The following DACH1 variants were observed in gnomAD, a reference collection of about 807,000 sequenced individuals.
DACH1 encodes the protein dachshund family transcription factor 1.
Under a neutral mutation model 54.2 loss-of-function variants are expected in DACH1, and 12 were observed. That is an observed-to-expected ratio of 0.22 (90% CI 0.14 to 0.36). The LOEUF (loss-of-function observed/expected upper bound fraction) is 0.36. Ranked by LOEUF, DACH1 falls within the 10% of genes least tolerant of loss-of-function variation. The pLI is 1.00. For synonymous variants in DACH1, 386 were observed against 366.2 expected, an observed-to-expected ratio of 1.05 and a Z score of -0.62; for missense variants, 805 against 929.8, an observed-to-expected ratio of 0.87 and a Z score of 1.75.
chr13:71,865,898 C>G (rs1566551541), intron 1 of DACH1, 24 bp downstream of exon 1: 42 of 1,559,730 alleles, frequency 2.7e-5, no homozygotes, highest in Non-Finnish European at 3.5e-5. Flanking sequence ...GCGCGGGCGG[C>G]GGGGGCTATC....
chr13:71,483,768 T>TA lies in DACH1; in HGVS notation c.1723-4453_1723-4452insT, dbSNP rs529247328. Among the ~76,000 whole-genome samples, 672 of 152,208 alleles carry TA rather than the reference T, an allele frequency of 4.4e-3. 3 individuals are homozygous for TA. Among genetic ancestry groups the TA allele is most frequent in the Non-Finnish European group, 7.5e-3 (510 of 67,998 alleles). The stretch of plus-strand genomic sequence containing the variant: ...GGTCCCATAAGATTATAATATCATA[T>TA]TTTTACTGTACCTTTTCTATGTTTA... On this transcript the variant is annotated intron_variant, in intron 7 of 10. Coordinates refer to ENST00000613252, the MANE Select transcript of DACH1 (RefSeq NM_080759.6).
At chr13:71,831,443 C>T (rs903863540) in intron 1 of DACH1, among the ~76,000 whole-genome samples, 4 of 151,792 alleles carry the variant, frequency 2.6e-5, no homozygotes, top group Admixed American at 6.6e-5. Flanking sequence ...TGATCTCATA[C>T]ACATTTTTAT....
chr13:71,496,686 C>T (rs1879471377), intron 6 of DACH1, among the ~76,000 whole-genome samples: 1 of 152,026 alleles, frequency 6.6e-6, no homozygotes, highest in Non-Finnish European at 1.5e-5. Context: ...AATAAAATTA[C>T]ACTTGTACCA....
chr13:71,841,398 G>T (rs939691753), intron 1 of DACH1, among the ~76,000 whole-genome samples: 19 of 151,926 alleles, frequency 1.3e-4, no homozygotes. Context: ...TTGATTAATG[G>T]ATACTACCTA....
chr13:71,663,622 T>C (rs562840759), intron 2 of DACH1, among the ~76,000 whole-genome samples: 81 of 152,006 alleles, frequency 5.3e-4, no homozygotes, highest in Non-Finnish European at 1.0e-3. Flanking sequence ...CCACCAATAT[T>C]TAGTGGTTAA....
At chr13:71,792,020 A>T (rs745859925) in intron 1 of DACH1, among the ~76,000 whole-genome samples, 1 of 152,086 alleles carries the variant, frequency 6.6e-6, no homozygotes, top group Non-Finnish European at 1.5e-5. Context: ...GTACATGATG[A>T]TGTATGTCTT....
At chr13:71,758,272 A>G (rs1433330614) in intron 1 of DACH1, among the ~76,000 whole-genome samples, 1 of 152,204 alleles carries the variant, frequency 6.6e-6, no homozygotes, top group Admixed American at 6.5e-5. Context: ...ACAGATTGAC[A>G]GAGCAGAAAT....
rs146736267 is a variant in DACH1 at position 71,681,344 on chromosome 13, G to A, written c.964+451C>T. Reference sequence around the variant, plus strand: ...AACGTATTAGTTTGTGAAAAATTACGAGACATTTCTATTCAATACAGTTAC... The same window carrying A: ...AACGTATTAGTTTGTGAAAAATTACAAGACATTTCTATTCAATACAGTTAC... On this transcript the variant is annotated intron_variant, in intron 2 of 10. Transcript: ENST00000613252. 9.1e-3 allele frequency among the ~76,000 whole-genome samples: 1,383 copies of A among 152,162 alleles called. 9 individuals are homozygous for A. The highest frequency in any genetic ancestry group is 0.048 in the Middle Eastern group (14 of 294).
At chr13:71,649,008 T>C (rs1878492134) in intron 2 of DACH1, among the ~76,000 whole-genome samples, 1 of 152,200 alleles carries the variant, frequency 6.6e-6, no homozygotes, top group Admixed American at 6.5e-5. Flanking sequence ...ATATGTTCCT[T>C]GCCAGAAATT....
intron 6 of DACH1, among the ~76,000 whole-genome samples, chr13:71,543,728 T>G (rs994342755): frequency 1.3e-5 from 2 of 152,128 alleles, no homozygotes; most frequent in African/African-American, 4.8e-5. Context: ...GTAGCACCAT[T>G]CATCTCCAAA....
intron 1 of DACH1, among the ~76,000 whole-genome samples, chr13:71,698,812 A>G (rs1410437071): frequency 6.6e-6 from 1 of 152,120 alleles, no homozygotes; most frequent in East Asian, 1.9e-4. Flanking sequence ...TAGTTTTTAA[A>G]ATTCTTTAAA....
intron 1 of DACH1, among the ~76,000 whole-genome samples, chr13:71,814,626 T>C (rs1454688000): frequency 6.6e-6 from 1 of 152,216 alleles, no homozygotes; most frequent in Non-Finnish European, 1.5e-5. Context: ...TGATGAAGTA[T>C]CCAGTTATCT....
intron 1 of DACH1, among the ~76,000 whole-genome samples, chr13:71,719,991 G>A (rs1021849839): frequency 6.6e-6 from 1 of 152,058 alleles, no homozygotes; most frequent in Non-Finnish European, 1.5e-5. Context: ...TACGTACTGG[G>A]GAAGAATCTA....
chr13:71,528,431 T>TC (rs886469677), intron 6 of DACH1, among the ~76,000 whole-genome samples: 1 of 144,090 alleles, frequency 6.9e-6, no homozygotes, highest in Non-Finnish European at 1.5e-5. Flanking sequence ...TTTTCTTTTT[T>TC]TTTTTTTTTT....
intron 6 of DACH1, among the ~76,000 whole-genome samples, chr13:71,504,217 C>A (rs1880138366): frequency 6.6e-6 from 1 of 152,042 alleles, no homozygotes; most frequent in South Asian, 2.1e-4. Context: ...AAAAAGTCAA[C>A]AATTAACACG....
intron 1 of DACH1, among the ~76,000 whole-genome samples, chr13:71,750,053 A>G (rs1249884405): frequency 6.6e-6 from 1 of 152,220 alleles, no homozygotes; most frequent in Non-Finnish European, 1.5e-5. Context: ...GGGAATAAAT[A>G]TCATACAGAG....
At chr13:71,592,022 A>T (rs533387667) in intron 3 of DACH1, among the ~76,000 whole-genome samples, 1 of 152,192 alleles carries the variant, frequency 6.6e-6, no homozygotes, top group Non-Finnish European at 1.5e-5. Flanking sequence ...GTGAGGTAGC[A>T]GACAAACTAC....
chr13:71,598,347 C>G (rs1232292316), intron 3 of DACH1, among the ~76,000 whole-genome samples: 1 of 152,094 alleles, frequency 6.6e-6, no homozygotes, highest in Non-Finnish European at 1.5e-5. Flanking sequence ...CTCTGCCTCA[C>G]AGGTTCACAC....
intron 2 of DACH1, among the ~76,000 whole-genome samples, chr13:71,673,832 T>A (rs1001761837): frequency 3.9e-5 from 6 of 152,210 alleles, no homozygotes; most frequent in Non-Finnish European, 8.8e-5. Flanking sequence ...AGCATCAATT[T>A]AGAGATTTAA....
Sources: gnomAD v4.1 joint callset for allele counts (sites outside exome capture counted in the v4.1 genomes callset) on GRCh38, gnomAD v4.1.1 for gene constraint, MANE v1.5 for transcripts, NCBI Gene and HGNC (gene_info 2026-07-23, HGNC 2026-07-21) for gene names.